The following OCA2 variants were observed in gnomAD, a reference collection of about 807,000 sequenced individuals.
OCA2 encodes P protein.
A neutral mutation model predicts 100.2 loss-of-function variants in OCA2; 77 were observed. That is an observed-to-expected ratio of 0.77 (90% CI 0.64 to 0.93). The LOEUF is 0.93. OCA2 is among the 40% of genes least tolerant of loss of function. The probability of loss-of-function intolerance (pLI) is 0.00; values close to 1 mark genes in which losing one functional copy is unlikely to be tolerated. For synonymous variants in OCA2, 432 were observed against 439.2 expected (o/e 0.98, Z 0.21); for missense variants, 1,062 against 1,089.1 (o/e 0.98, Z 0.35).
chr15:27,937,030 C>T (rs1258686091), intron 18 of OCA2, among the ~76,000 whole-genome samples: 2 of 152,146 alleles, frequency 1.3e-5, no homozygotes, highest in Admixed American at 6.5e-5. Context: ...CTCTCTTCAC[C>T]GTCCCCCCAC....
At chr15:27,728,324 C>T in the OCA2 span, among the ~76,000 whole-genome samples, 1 of 152,062 alleles carries the variant, frequency 6.6e-6, no homozygotes, top group Non-Finnish European at 1.5e-5. Context: ...AGGGAAAACT[C>T]CATTAGGTTT....
At chr15:28,084,930 G>T (rs1454786565) in intron 1 of OCA2, among the ~76,000 whole-genome samples, 2 of 152,192 alleles carry the variant, frequency 1.3e-5, no homozygotes, top group African/African-American at 4.8e-5. Context: ...TTACGTGTCA[G>T]GGGGACATCC....
Position 28,032,088 on chromosome 15 carries a change from C to T in OCA2, c.303G>A (p.Leu101=). The part of the protein sequence containing the change: ...DSCFTENTPL[L]RNSLQEKGSR... Reference sequence around the variant, plus strand: ...ACCCTTTCTCCTGTAAGGAATTCCTCAGCAAAGGAGTGTTTTCTGTAAAGC... The same window carrying T: ...ACCCTTTCTCCTGTAAGGAATTCCTTAGCAAAGGAGTGTTTTCTGTAAAGC... Residue 101 remains leucine, a synonymous_variant, in exon 3 of 24, where the codon CTG becomes CTA. Transcript: ENST00000354638. 6.2e-7 allele frequency: 1 copy of T among 1,613,842 alleles called. No individual in the cohort carries two copies. The highest frequency in any genetic ancestry group is 8.5e-7 in the Non-Finnish European group (1 of 1,179,728).
intron 21 of OCA2, among the ~76,000 whole-genome samples, chr15:27,853,564 A>G (rs2035841323): frequency 6.6e-6 from 1 of 151,766 alleles, no homozygotes; most frequent in Non-Finnish European, 1.5e-5. Flanking sequence ...CCTAAAACTT[A>G]AAGTATAATA....
At chr15:27,834,758 G>C (rs1193781280) in intron 23 of OCA2, among the ~76,000 whole-genome samples, 1 of 152,220 alleles carries the variant, frequency 6.6e-6, no homozygotes, top group Non-Finnish European at 1.5e-5. Flanking sequence ...ATGTTGCTAA[G>C]TCAGCGCCTG....
chr15:27,912,148 C>G (rs550520793), intron 19 of OCA2, among the ~76,000 whole-genome samples: 1 of 152,164 alleles, frequency 6.6e-6, no homozygotes, highest in African/African-American at 2.4e-5. Context: ...AACACATAGA[C>G]GAGTAAATTA....
chr15:27,851,850 C>T (rs745723048), intron 21 of OCA2, among the ~76,000 whole-genome samples: 2 of 152,158 alleles, frequency 1.3e-5, no homozygotes, highest in Non-Finnish European at 2.9e-5. Flanking sequence ...CTCAACATCC[C>T]TCAAGTGTGC....
intron 19 of OCA2, among the ~76,000 whole-genome samples, chr15:27,886,051 T>C (rs887295611): frequency 6.6e-6 from 1 of 152,128 alleles, no homozygotes. Context: ...GAGGAGACTC[T>C]AGAGAGGTGA....
intron 2 of OCA2, among the ~76,000 whole-genome samples, 185 bp from the exon 3 acceptor site, chr15:28,032,348 C>T (rs2042929335): frequency 1.3e-5 from 2 of 152,198 alleles, no homozygotes; most frequent in Non-Finnish European, 2.9e-5. Context: ...AGAAAGACCT[C>T]TTCTCCCCAA....
the OCA2 span, among the ~76,000 whole-genome samples, chr15:27,721,218 T>C: frequency 6.6e-6 from 1 of 152,160 alleles, no homozygotes; most frequent in African/African-American, 2.4e-5. Flanking sequence ...ATAACGTAAT[T>C]TGCAGCCAGG....
At position 27,865,486 on chromosome 15, in the gene OCA2, C is replaced by A. The variant is rs117781925; in HGVS notation, c.2244+5668G>T. Among the ~76,000 whole-genome samples, 96 of 152,318 alleles carry A rather than the reference C, an allele frequency of 6.3e-4. No individual in the cohort carries two copies. In the East Asian group the frequency reaches 0.017, roughly 28 times the overall value. ...CTGGGCGGCGAGAGCCCAGGCACTGCACCCTGTGTTCATGCTGTGTCTGCA... is the reference window on the plus strand; with the variant it reads ...CTGGGCGGCGAGAGCCCAGGCACTGAACCCTGTGTTCATGCTGTGTCTGCA... On this transcript the variant is annotated intron_variant, in intron 21 of 23. Coordinates refer to ENST00000354638, the MANE Select transcript of OCA2 (RefSeq NM_000275.3).
chr15:27,725,033 G>A, the OCA2 span, among the ~76,000 whole-genome samples: 12,314 of 152,128 alleles, frequency 0.081, 1,762 homozygotes, highest in African/African-American at 0.28. Flanking sequence ...CTGCTCTGAA[G>A]CAGAGTTGAA....
At chr15:28,060,024 G>A (rs72712691) in intron 2 of OCA2, among the ~76,000 whole-genome samples, 12,037 of 152,302 alleles carry the variant, frequency 0.079, 513 homozygotes, top group Middle Eastern at 0.099. Context: ...AGCACACGCC[G>A]CATGCCCCTC....
intron 21 of OCA2, among the ~76,000 whole-genome samples, chr15:27,870,699 A>AGAAG (rs71132825): frequency 2.2e-4 from 4 of 18,440 alleles, no homozygotes; most frequent in Non-Finnish European, 3.7e-4. Flanking sequence ...AAGGAAGGAA[A>AGAAG]GAAGGAAGGA....
intron 21 of OCA2, among the ~76,000 whole-genome samples, chr15:27,868,090 C>T (rs921381395): frequency 1.1e-4 from 16 of 152,224 alleles, no homozygotes; most frequent in East Asian, 3.9e-4. Flanking sequence ...CCGAAGCAGC[C>T]GCAGTGTGCA....
In OCA2 at chr15:27,990,616, C is replaced by G. The variant is rs200398581; in HGVS notation, c.1076G>C (p.Gly359Ala). The G allele has an allele frequency of 2.5e-6, 4 of 1,614,040 alleles. No individual in the cohort carries two copies. The highest frequency in any genetic ancestry group is 2.2e-5 in the East Asian group (1 of 44,866). The change falls in exon 10 of 24, where the codon GGT becomes GCT. Residue 359 changes from glycine to alanine, a missense_variant. Physicochemically the swap from Gly to Ala is moderately conservative, Grantham distance 60. Coordinates refer to ENST00000354638, the MANE Select transcript of OCA2 (RefSeq NM_000275.3). ...CAGTGCTGCCAGTGCTGCAAGGGAA[C>G]CCAGCATGGCCGCCAGAGTTCTGTG... is the stretch of plus-strand genomic sequence containing the variant. ...IVHRTLAAML[G>A]SLAALAALAV...
At chr15:28,022,594 G>C (rs1264290321) in intron 5 of OCA2, 21 bp from the exon 6 acceptor site, 1 of 1,581,818 alleles carries the variant, frequency 6.3e-7, no homozygotes, top group South Asian at 1.1e-5. Context: ...CAGAAACGTT[G>C]AATGACAGAG....
chr15:27,866,159 C>T (rs1376123629), intron 21 of OCA2, among the ~76,000 whole-genome samples: 1 of 152,180 alleles, frequency 6.6e-6, no homozygotes, highest in African/African-American at 2.4e-5. Flanking sequence ...AGAGAAAGGA[C>T]CAGCTCCCAC....
chr15:27,993,502 G>A (rs1324948328), intron 9 of OCA2, among the ~76,000 whole-genome samples: 1 of 152,166 alleles, frequency 6.6e-6, no homozygotes, highest in Non-Finnish European at 1.5e-5. Context: ...CTCTGGAGGA[G>A]GTCCGTGGAC....
Sources: allele counts gnomAD v4.1 joint callset (sites outside exome capture counted in the v4.1 genomes callset), GRCh38; gene constraint gnomAD v4.1.1; transcripts MANE v1.5; gene names NCBI Gene and HGNC (gene_info 2026-07-23, HGNC 2026-07-21).